PRRC2C: variants seen among roughly 807,000 people sequenced by gnomAD.
The protein encoded by PRRC2C is proline rich coiled-coil 2C.
In PRRC2C, 72 loss-of-function variants were observed where a neutral mutation model predicts 317.2. The observed-to-expected ratio is 0.23, with a 90% CI of 0.19 to 0.28. The LOEUF is 0.28. Ranked by LOEUF, PRRC2C falls within the 10% of genes least tolerant of loss-of-function variation. PRRC2C has a pLI of 1.00. For missense variants in PRRC2C, 3,074 were observed against 3,459.7 expected (o/e 0.89, Z 2.80); for synonymous variants, 1,296 against 1,205.9 (o/e 1.07, Z -1.55).
chr1:171,494,020 C>T (rs186046524), intron 1 of PRRC2C, among the ~76,000 whole-genome samples: 2 of 152,244 alleles, frequency 1.3e-5, no homozygotes, highest in Non-Finnish European at 2.9e-5. Context: ...AAGTAATTTG[C>T]CTGTGGTCAC....
Position 171,591,606 on chromosome 1 carries a change from T to G in PRRC2C, c.8456T>G (p.Val2819Gly). The G allele has an allele frequency of 6.2e-7, 1 of 1,613,588 alleles. No individual in the cohort carries two copies. Among genetic ancestry groups the G allele is most frequent in the Non-Finnish European group, 8.5e-7 (1 of 1,179,730 alleles). Residue 2819 changes from valine to glycine, a missense_variant, in exon 35 of 35, where the codon GTT becomes GGT. Val to Gly is a moderately radical substitution (Grantham distance 109). Around this residue, in one of 11 missense-constraint regions of PRRC2C, gnomAD observed 78 missense variants for 97.7 expected, o/e 0.80. Transcript: ENST00000647382. ...TTTAAGGCAAAGCAGAGAGCAGAGG[T>G]TCTTCAGTCCACGCAACGGTTCTTC... ...QDMKAKQRAE[V>G]LQSTQRFFSE...
In PRRC2C at chr1:171,541,605, G is replaced by A; in HGVS notation, c.4139G>A (p.Arg1380Lys). 1.2e-6 allele frequency: 2 copies of A among 1,613,774 alleles called. No individual in the cohort carries two copies. The highest frequency in any genetic ancestry group is 1.7e-6 in the Non-Finnish European group (2 of 1,179,864). The change falls in exon 16 of 35, where the codon AGG becomes AAG. Residue 1380 changes from arginine to lysine, a missense_variant. Arg to Lys is a conservative substitution (Grantham distance 26, BLOSUM62 2). This residue lies in a region of PRRC2C where 1,320 missense variants were observed against 1,395.7 expected (regional missense o/e 0.95). Coordinates refer to ENST00000647382, the MANE Select transcript of PRRC2C (RefSeq NM_001387844.1). This position sits in a 1 kb window ranked among gnomAD's most constrained non-coding sequence, Gnocchi z 4.1. ...PAYRDNQWNPRQSEVPKPEDG... is the reference protein window; with the variant it reads ...PAYRDNQWNPKQSEVPKPEDG... The stretch of plus-strand genomic sequence containing the variant: ...TATCGGGACAATCAGTGGAACCCAA[G>A]GCAGTCAGAAGTTCCTAAACCAGAA...
intron 22 of PRRC2C, 110 bp downstream of exon 22, chr1:171,566,953 T>G: frequency 8.4e-7 from 1 of 1,186,326 alleles, no homozygotes; most frequent in African/African-American, 1.5e-5. Flanking sequence ...CATATAACTC[T>G]ATAGATTATT....
At chr1:171,556,328 C>T (rs957000432) in intron 18 of PRRC2C, among the ~76,000 whole-genome samples, 1 of 152,220 alleles carries the variant, frequency 6.6e-6, no homozygotes, top group African/African-American at 2.4e-5. Context: ...TACAGTCTGT[C>T]ATGACTTCCC....
rs1647981583 is a variant in PRRC2C, at chr1:171,579,374, A to G, written c.7180A>G (p.Met2394Val). 2.5e-6 allele frequency: 4 copies of G among 1,613,822 alleles called. No homozygotes were observed. Among genetic ancestry groups the G allele is most frequent in the East Asian group, 2.2e-5 (1 of 44,864 alleles). Residue 2394 changes from methionine (M) to valine (V), a missense_variant, in exon 27 of 35, where the codon ATG becomes GTG. Coordinates refer to ENST00000647382, the MANE Select transcript of PRRC2C (RefSeq NM_001387844.1). ...TACAGCTCAAATCCCAGCCTTCTAT[A>G]TGGACACAAGTCATTTATTCAATAC... Reference protein sequence around the residue: ...SAAAQIPAFYMDTSHLFNTQH... With the variant: ...SAAAQIPAFYVDTSHLFNTQH...
At chr1:171,546,117 C>T (rs894696144) in intron 17 of PRRC2C, among the ~76,000 whole-genome samples, 1 of 151,976 alleles carries the variant, frequency 6.6e-6, no homozygotes, top group Non-Finnish European at 1.5e-5. Flanking sequence ...TAAGATGTGG[C>T]AAATACAGAA....
chr1:171,561,111 T>A lies in PRRC2C; in HGVS notation c.6117+8T>A. On this transcript the variant is annotated splice_region_variant and intron_variant, in intron 20 of 34. Coordinates refer to ENST00000647382, the MANE Select transcript of PRRC2C (RefSeq NM_001387844.1). ...TCAGCTCCTTCATCAGAGGTAAGAA[T>A]AGGCTTTTAACAGCATAGGTGTGCT... The A allele has an allele frequency of 6.4e-7, 1 of 1,568,762 alleles. No individual in the cohort carries two copies. The highest frequency in any genetic ancestry group is 8.8e-7 in the Non-Finnish European group (1 of 1,138,936).
intron 28 of PRRC2C, 101 bp from the exon 29 acceptor site, chr1:171,583,855 C>T: frequency 1.1e-6 from 1 of 920,750 alleles, no homozygotes; most frequent in South Asian, 1.6e-5. Flanking sequence ...TGTCATGCAG[C>T]ACATGACTGT....
At chr1:171,578,280 T>C (rs1647636639) in intron 26 of PRRC2C, among the ~76,000 whole-genome samples, 1 of 152,026 alleles carries the variant, frequency 6.6e-6, no homozygotes, top group South Asian at 2.1e-4. Flanking sequence ...AGGCTGGGTG[T>C]GGTGGCTCAT....
At chr1:171,521,418 A>G (rs1038736617) in intron 6 of PRRC2C, among the ~76,000 whole-genome samples, 9 of 152,194 alleles carry the variant, frequency 5.9e-5, no homozygotes, top group Admixed American at 5.2e-4. Flanking sequence ...CCCAGAGCCA[A>G]GTTCCTACAG....
chr1:171,584,497 A>T lies in PRRC2C; in HGVS notation c.7720A>T (p.Thr2574Ser). Residue 2574 changes from threonine (T) to serine (S), a missense_variant, in exon 30 of 35, where the codon ACT becomes TCT. Thr to Ser is a moderately conservative substitution (Grantham distance 58, BLOSUM62 1). This residue lies in a region of PRRC2C where 490 missense variants were observed against 663.1 expected (regional missense o/e 0.74). Transcript: ENST00000647382. ...GCCTGGTCAGACAAATTTTTATAACACTGCCCAGTCACCAAGTGCTCTCCA... is the reference window on the plus strand; with the variant it reads ...GCCTGGTCAGACAAATTTTTATAACTCTGCCCAGTCACCAAGTGCTCTCCA... ...QQPGQTNFYNTAQSPSALQQV... is the reference protein window; with the variant it reads ...QQPGQTNFYNSAQSPSALQQV... 1 of 1,591,848 alleles carries T rather than the reference A, an allele frequency of 6.3e-7. No homozygotes were observed. Among genetic ancestry groups the T allele is most frequent in the Non-Finnish European group, 8.6e-7 (1 of 1,168,402 alleles).
intron 1 of PRRC2C, among the ~76,000 whole-genome samples, chr1:171,492,663 T>A (rs994477453): frequency 5.3e-5 from 8 of 152,182 alleles, no homozygotes; most frequent in Non-Finnish European, 1.0e-4. Context: ...GGGATAGCCA[T>A]TGCACTCCGG....
At chr1:171,518,437 A>G (rs953656759) in intron 6 of PRRC2C, among the ~76,000 whole-genome samples, 1 of 133,640 alleles carries the variant, frequency 7.5e-6, no homozygotes, top group Non-Finnish European at 1.7e-5. Flanking sequence ...CGTAGTTTCA[A>G]AGTTTTTATT....
chr1:171,515,255 A>G (rs892055312), intron 4 of PRRC2C, among the ~76,000 whole-genome samples: 15 of 152,252 alleles, frequency 9.9e-5, no homozygotes, highest in African/African-American at 3.4e-4. Flanking sequence ...AGTTGGGTGA[A>G]TAGTGAGGTG....
At chr1:171,551,005 A>G (rs967919441) in intron 18 of PRRC2C, among the ~76,000 whole-genome samples, 6 of 152,166 alleles carry the variant, frequency 3.9e-5, no homozygotes, top group South Asian at 2.1e-4. Context: ...GCTGGGGCAA[A>G]TGGTATGTCT....
intron 16 of PRRC2C, among the ~76,000 whole-genome samples, chr1:171,544,423 C>T (rs1176022109): frequency 6.6e-6 from 1 of 152,184 alleles, no homozygotes; most frequent in East Asian, 1.9e-4. Flanking sequence ...TGCACGTGGC[C>T]CAACACATGA....
At chr1:171,562,260 A>G (rs1481508953) in intron 20 of PRRC2C, among the ~76,000 whole-genome samples, 1 of 152,212 alleles carries the variant, frequency 6.6e-6, no homozygotes, top group Non-Finnish European at 1.5e-5. Flanking sequence ...GAGGAAGTTC[A>G]GGGAAGTCCA....
chr1:171,541,727 A>G lies in PRRC2C; in HGVS notation c.4261A>G (p.Arg1421Gly). Reference protein sequence around the residue: ...FERKFDPARERPRRQRPTRPP... With the variant: ...FERKFDPAREGPRRQRPTRPP... ...GCGAAAATTTGACCCAGCTAGAGAA[A>G]GGCCTCGAAGGCAGCGTCCTACTCG... is the stretch of plus-strand genomic sequence containing the variant. The change falls in exon 16 of 35, where the codon AGG becomes GGG. Residue 1421 changes from arginine to glycine, a missense_variant. Physicochemically the swap from Arg to Gly is moderately radical, Grantham distance 125 (BLOSUM62 -2). Around this residue, in one of 11 missense-constraint regions of PRRC2C, gnomAD observed 1,320 missense variants for 1,395.7 expected, o/e 0.95. Coordinates refer to ENST00000647382, the MANE Select transcript of PRRC2C (RefSeq NM_001387844.1). This position sits in a 1 kb window ranked among gnomAD's most constrained non-coding sequence, Gnocchi z 4.1. The G allele has an allele frequency of 6.2e-7, 1 of 1,614,006 alleles. No individual in the cohort carries two copies. The highest frequency in any genetic ancestry group is 8.5e-7 in the Non-Finnish European group (1 of 1,179,886).
At chr1:171,495,603 A>G (rs942474953) in intron 1 of PRRC2C, among the ~76,000 whole-genome samples, 3 of 152,244 alleles carry the variant, frequency 2.0e-5, no homozygotes, top group Admixed American at 1.3e-4. Context: ...GTAAATGACT[A>G]GTACTTTCAG....
Sources: allele counts gnomAD v4.1 joint callset (sites outside exome capture counted in the v4.1 genomes callset), GRCh38; gene constraint gnomAD v4.1.1; regional missense constraint gnomAD v4.1.1; non-coding constraint Gnocchi (gnomAD v3.1); transcripts MANE v1.5; gene names NCBI Gene and HGNC (gene_info 2026-07-23, HGNC 2026-07-21).